The following DOCK10 variants were observed in gnomAD, a reference collection of about 807,000 sequenced individuals.
DOCK10 encodes dedicator of cytokinesis 10, also known as dedicator of cytokinesis protein 10.
Under a neutral mutation model 280.1 loss-of-function variants are expected in DOCK10, and 145 were observed. The observed-to-expected ratio is 0.52, with a 90% CI of 0.45 to 0.59. The LOEUF (loss-of-function observed/expected upper bound fraction) is 0.59. Among genes scored for constraint, DOCK10 ranks in the 20% least tolerant of loss-of-function variants. The pLI is 0.00. For missense variants in DOCK10, 2,368 were observed against 2,651.7 expected, an observed-to-expected ratio of 0.89 and a Z score of 2.35; for synonymous variants, 915 against 942.2, an observed-to-expected ratio of 0.97 and a Z score of 0.53.
At chr2:225,023,826 T>A (rs1689846502) in intron 1 of DOCK10, among the ~76,000 whole-genome samples, 1 of 152,204 alleles carries the variant, frequency 6.6e-6, no homozygotes, top group Non-Finnish European at 1.5e-5. Context: ...GTATCATCAC[T>A]AGATGCTAAC....
At chr2:225,023,269 C>G (rs1404308307) in intron 1 of DOCK10, among the ~76,000 whole-genome samples, 1 of 152,166 alleles carries the variant, frequency 6.6e-6, no homozygotes, top group Non-Finnish European at 1.5e-5. Flanking sequence ...CTCCTGACTT[C>G]AGGTGATCTG....
Position 224,921,549 on chromosome 2 carries a change from C to T in DOCK10, c.244-4765G>A, listed in dbSNP as rs142283238. Among the ~76,000 whole-genome samples, 10 of 152,094 alleles carry T rather than the reference C, an allele frequency of 6.6e-5. 1 individual carries two copies. The East Asian group carries it at 1.2e-3, about 18-fold the overall frequency. On this transcript the variant is annotated intron_variant, in intron 2 of 55. Coordinates refer to ENST00000258390, the MANE Select transcript of DOCK10 (RefSeq NM_014689.3). ...CCGAGTTACAAAAATTGCTTAATCA[C>T]GTGTACAATGCCTGGTGGTCTCTTG...
chr2:224,882,525 T>C (rs1191964166), intron 7 of DOCK10, among the ~76,000 whole-genome samples: 1 of 152,190 alleles, frequency 6.6e-6, no homozygotes, highest in African/African-American at 2.4e-5. Context: ...CCTTGTAATA[T>C]ACGTCTAAGA....
At chr2:224,969,727 C>A (rs1704979014) in intron 1 of DOCK10, among the ~76,000 whole-genome samples, 1 of 152,112 alleles carries the variant, frequency 6.6e-6, no homozygotes, top group Non-Finnish European at 1.5e-5. Flanking sequence ...AAAAATGAGA[C>A]AAAATAGGAT....
intron 1 of DOCK10, among the ~76,000 whole-genome samples, chr2:224,953,347 G>A (rs1053457106): frequency 5.3e-5 from 8 of 152,050 alleles, no homozygotes; most frequent in African/African-American, 1.4e-4. Context: ...CTGCAGGTTA[G>A]TTTGCTGCAC....
chr2:224,900,445 T>C (rs1279779658), intron 3 of DOCK10, among the ~76,000 whole-genome samples: 1 of 152,212 alleles, frequency 6.6e-6, no homozygotes, highest in Non-Finnish European at 1.5e-5. Context: ...CTAGGCCCCA[T>C]AGGTGGTAGA....
chr2:224,909,236 T>C (rs1700857608), intron 3 of DOCK10, among the ~76,000 whole-genome samples: 1 of 152,158 alleles, frequency 6.6e-6, no homozygotes, highest in Admixed American at 6.5e-5. Flanking sequence ...ATTGCCCCCC[T>C]CTCCTCCTCA....
chr2:224,949,692 G>A (rs891873547), intron 1 of DOCK10, among the ~76,000 whole-genome samples: 5 of 152,172 alleles, frequency 3.3e-5, no homozygotes, highest in African/African-American at 1.2e-4. Flanking sequence ...TTCAAATCCT[G>A]GATCCATCAC....
At chr2:224,774,677 G>A (rs1255813980) in intron 52 of DOCK10, among the ~76,000 whole-genome samples, 2 of 152,164 alleles carry the variant, frequency 1.3e-5, no homozygotes, top group African/African-American at 2.4e-5. Flanking sequence ...ACAACCTTAA[G>A]GGAATAGGTA....
chr2:224,784,368 T>C (rs931800978), intron 50 of DOCK10, among the ~76,000 whole-genome samples: 5 of 152,206 alleles, frequency 3.3e-5, no homozygotes, highest in Admixed American at 2.0e-4. Flanking sequence ...CTGCAACTCA[T>C]AGTGGCCTGA....
chr2:224,916,246 A>G (rs1172920847), intron 3 of DOCK10, among the ~76,000 whole-genome samples: 3 of 152,116 alleles, frequency 2.0e-5, no homozygotes, highest in Non-Finnish European at 4.4e-5. Flanking sequence ...AAATACAAAA[A>G]TTAGCCTGGC....
At chr2:224,949,561 G>T (rs1021459324) in intron 1 of DOCK10, among the ~76,000 whole-genome samples, 1 of 152,226 alleles carries the variant, frequency 6.6e-6, no homozygotes, top group Non-Finnish European at 1.5e-5. Context: ...TCTAAGGTAG[G>T]CTTTGAATAA....
rs1559966085 is a variant in DOCK10 at position 225,018,596 on chromosome 2, A to ATATATATATAATATATATGTAATAT, written c.123+23631_123+23655dup. ...ATATATATAATATATATGTAATATTATATATATATAATATATATGTAATAT... is the reference window on the plus strand; with the variant it reads ...ATATATATAATATATATGTAATATTATATATATATAATATATATGTAATATTATATATATAATATATATGTAATAT... On this transcript the variant is annotated intron_variant, in intron 1 of 55. Transcript: ENST00000258390. Among the ~76,000 whole-genome samples the ATATATATATAATATATATGTAATAT allele has an allele frequency of 5.1e-3, 78 of 15,316 alleles. 8 individuals carry two copies. The highest frequency in any genetic ancestry group is 0.02 in the African/African-American group (58 of 2,836). 10.0% of individuals were successfully genotyped at this position (15,316 alleles called of 152,430 possible).
At chr2:224,804,900 T>C (rs1693284216) in intron 37 of DOCK10, 59 bp from the exon 38 acceptor site, 10 of 1,318,828 alleles carry the variant, frequency 7.6e-6, no homozygotes, top group Non-Finnish European at 1.0e-5. Context: ...ATACAAACTG[T>C]TCATCTAAGT....
At position 224,931,598 on chromosome 2, in the gene DOCK10, C is replaced by T. The variant is rs973749208; in HGVS notation, c.194G>A (p.Arg65Gln). 31 of 1,611,874 alleles carry T rather than the reference C, an allele frequency of 1.9e-5. No individual in the cohort carries two copies. Among genetic ancestry groups the T allele is most frequent in the East Asian group, 4.5e-5 (2 of 44,866 alleles). Residue 65 changes from arginine (R) to glutamine (Q), a missense_variant, in exon 2 of 56, where the codon CGG becomes CAG. Arg to Gln is a conservative substitution (Grantham distance 43). Around this residue, in one of 2 missense-constraint regions of DOCK10, gnomAD observed 1,209 missense variants for 1,250.9 expected, o/e 0.97. Transcript: ENST00000258390. ...TVIEELEKTY[R>Q]NDPLQDLLFF... Reference sequence around the variant, plus strand: ...CAAGAGATCTTGAAGAGGATCATTCCGGTAGGTCTTTTCAAGTTCTTCAAT... The same window carrying T: ...CAAGAGATCTTGAAGAGGATCATTCTGGTAGGTCTTTTCAAGTTCTTCAAT...
intron 1 of DOCK10, chr2:224,983,661 T>C (rs182165814): frequency 2.3e-6 from 1 of 426,966 alleles, no homozygotes; most frequent in East Asian, 7.1e-5. Context: ...CAAACAGGCA[T>C]TAATTGCTCA....
At chr2:224,905,396 C>T (rs1297453613) in intron 3 of DOCK10, among the ~76,000 whole-genome samples, 7 of 151,812 alleles carry the variant, frequency 4.6e-5, no homozygotes, top group East Asian at 1.9e-4. Context: ...TACAGGCGCC[C>T]GCCACCGCGC....
chr2:224,953,501 G>A (rs1460471271), intron 1 of DOCK10, among the ~76,000 whole-genome samples: 3 of 152,122 alleles, frequency 2.0e-5, no homozygotes, highest in Non-Finnish European at 2.9e-5. Context: ...CCTCAGCCCT[G>A]CAGAAGAGCT....
chr2:224,850,216 T>A (rs1470050024), intron 18 of DOCK10, among the ~76,000 whole-genome samples: 1 of 152,192 alleles, frequency 6.6e-6, no homozygotes, highest in African/African-American at 2.4e-5. Flanking sequence ...ACACCCACAC[T>A]CTTCTTTCCT....
Sources: gnomAD v4.1 joint callset for allele counts (sites outside exome capture counted in the v4.1 genomes callset) on GRCh38, gnomAD v4.1.1 for gene constraint, gnomAD v4.1.1 regional missense constraint, MANE v1.5 for transcripts, NCBI Gene and HGNC (gene_info 2026-07-23, HGNC 2026-07-21) for gene names.